Variants in NFIB observed in about 807,000 individuals in gnomAD.
NFIB encodes nuclear factor I B.
In NFIB, 11 loss-of-function variants were observed where a neutral mutation model predicts 61.5. The observed-to-expected ratio is 0.18, with a 90% CI of 0.11 to 0.30. The LOEUF (loss-of-function observed/expected upper bound fraction) is 0.30. Among genes scored for constraint, NFIB ranks in the 10% least tolerant of loss-of-function variants. NFIB has a pLI of 1.00. For synonymous variants in NFIB, 260 were observed against 216.5 expected, an observed-to-expected ratio of 1.20 and a Z score of -1.76; for missense variants, 471 against 608.9, an observed-to-expected ratio of 0.77 and a Z score of 2.38.
At chr9:14,268,608 G>A (rs2057386451) in intron 2 of NFIB, among the ~76,000 whole-genome samples, 1 of 152,108 alleles carries the variant, frequency 6.6e-6, no homozygotes, top group East Asian at 1.9e-4. Flanking sequence ...AACCTTCTTT[G>A]GATTCTTGTG....
At chr9:14,462,939 G>A in the NFIB span, among the ~76,000 whole-genome samples, 2 of 152,204 alleles carry the variant, frequency 1.3e-5, no homozygotes, top group African/African-American at 2.4e-5. Flanking sequence ...TTCAAAGGCT[G>A]ATTGTAGTGG....
the NFIB span, among the ~76,000 whole-genome samples, chr9:14,501,584 C>T: frequency 6.6e-6 from 1 of 152,290 alleles, no homozygotes; most frequent in Non-Finnish European, 1.5e-5. Context: ...ACAGGGTAAT[C>T]AATAGGATAT....
At position 14,247,164 on chromosome 9, in the gene NFIB, T is replaced by C. The variant is rs149706067; in HGVS notation, c.562+59825A>G. ...TCTACCATTTAAGCCACCCAGTCTA[T>C]GGTATTTTGTTATGACAACCCAAGC... On this transcript the variant is annotated intron_variant, in intron 2 of 10. Coordinates refer to ENST00000380953, the MANE Select transcript of NFIB (RefSeq NM_001190737.2). Among the ~76,000 whole-genome samples, 600 of 152,312 alleles carry C rather than the reference T, an allele frequency of 3.9e-3. 4 individuals are homozygous for C. Among genetic ancestry groups the C allele is most frequent in the African/African-American group, 0.013 (532 of 41,552 alleles).
chr9:14,485,849 TG>T, the NFIB span, among the ~76,000 whole-genome samples: 7 of 152,066 alleles, frequency 4.6e-5, no homozygotes, highest in South Asian at 1.5e-3. Context: ...CACTCCAGCC[TG>T]GGTGACAGAG....
chr9:14,485,958 T>C, the NFIB span, among the ~76,000 whole-genome samples: 64 of 152,068 alleles, frequency 4.2e-4, no homozygotes, highest in Admixed American at 3.3e-3. Flanking sequence ...ATGGGACATA[T>C]AGACAAATAA....
intron 2 of NFIB, among the ~76,000 whole-genome samples, chr9:14,192,947 A>G (rs1271442873): frequency 6.6e-6 from 1 of 152,046 alleles, no homozygotes; most frequent in African/African-American, 2.4e-5. Context: ...AGGTAATAGA[A>G]TTAAGCAGTA....
At chr9:14,384,976 G>C (rs1253313469) in intron 1 of NFIB, among the ~76,000 whole-genome samples, 2 of 152,272 alleles carry the variant, frequency 1.3e-5, no homozygotes, top group Non-Finnish European at 2.9e-5. Flanking sequence ...TTCACATCTT[G>C]ATTTTCAGGT....
chr9:14,467,965 T>C, the NFIB span, among the ~76,000 whole-genome samples: 8 of 152,244 alleles, frequency 5.3e-5, no homozygotes, highest in Non-Finnish European at 1.0e-4. Flanking sequence ...GTGTGTTCTT[T>C]TCAAATATGA....
chr9:14,441,081 A>T, the NFIB span, among the ~76,000 whole-genome samples: 38 of 151,536 alleles, frequency 2.5e-4, no homozygotes, highest in East Asian at 3.3e-3. Flanking sequence ...GGATAAAAAA[A>T]CCTGGACCCT....
chr9:14,507,008 G>T, the NFIB span, among the ~76,000 whole-genome samples: 1 of 152,142 alleles, frequency 6.6e-6, no homozygotes, highest in African/African-American at 2.4e-5. Context: ...ACACCATAAA[G>T]ATTTAAATGT....
the NFIB span, among the ~76,000 whole-genome samples, chr9:14,480,360 A>C: frequency 1.3e-5 from 2 of 152,156 alleles, no homozygotes; most frequent in African/African-American, 4.8e-5. Flanking sequence ...AAGCAAGCAT[A>C]AGATTTGCCA....
chr9:14,376,756 G>A (rs1393969392), intron 1 of NFIB, among the ~76,000 whole-genome samples: 2 of 151,986 alleles, frequency 1.3e-5, no homozygotes. Flanking sequence ...GACCTCAGGT[G>A]ATCCGCTCAC....
chr9:14,313,854 T>C lies in NFIB; in HGVS notation c.-343A>G, dbSNP rs895705017. The C allele has an allele frequency of 1.6e-6, 2 of 1,214,444 alleles. No individual in the cohort carries two copies. Among genetic ancestry groups the C allele is most frequent in the African/African-American group, 1.6e-5 (1 of 64,266 alleles). 75.2% of individuals were successfully genotyped at this position (1,214,444 alleles called of 1,614,324 possible). A position where few individuals can be genotyped will look rare whatever the true frequency, so the allele number is the denominator to read the frequency against. Reference sequence around the variant, plus strand: ...GGATTTGTTTTCTATTTTGCAGTTGTTGTTGTTGTTGGGGTGTAGGGGGTG... The same window carrying C: ...GGATTTGTTTTCTATTTTGCAGTTGCTGTTGTTGTTGGGGTGTAGGGGGTG... On this transcript the variant is annotated 5_prime_UTR_variant, in exon 1 of 11. Transcript: ENST00000380953. The surrounding 1 kb of genome is among the most constrained non-coding windows in gnomAD (Gnocchi z 4.5).
At chr9:14,352,537 G>A (rs540022339) in intron 1 of NFIB, among the ~76,000 whole-genome samples, 2 of 152,310 alleles carry the variant, frequency 1.3e-5, no homozygotes, top group South Asian at 2.1e-4. Context: ...GGCTCCCTCA[G>A]TGTATGTAAT....
chr9:14,114,173 C>CT (rs1281935733), intron 9 of NFIB, among the ~76,000 whole-genome samples: 1 of 152,092 alleles, frequency 6.6e-6, no homozygotes, highest in Non-Finnish European at 1.5e-5. Flanking sequence ...TCCATGGAAG[C>CT]TTTTTTAGGT....
rs181878271 is a variant in NFIB at position 14,251,808 on chromosome 9, T to C, written c.562+55181A>G. On this transcript the variant is annotated intron_variant, in intron 2 of 10. Coordinates refer to ENST00000380953, the MANE Select transcript of NFIB (RefSeq NM_001190737.2). ...ACAGGCGTGCTGCACATGGCACACT[T>C]AGAGAACAAAACAAACAGGTCCAAC... 8.4e-4 allele frequency among the ~76,000 whole-genome samples: 128 copies of C among 152,292 alleles called. 1 individual carries two copies. Among genetic ancestry groups the C allele is most frequent in the Middle Eastern group, 3.4e-3 (1 of 294 alleles).
chr9:14,299,816 T>G (rs189048391), intron 2 of NFIB, among the ~76,000 whole-genome samples: 1 of 152,354 alleles, frequency 6.6e-6, no homozygotes, highest in African/African-American at 2.4e-5. Context: ...TAGTTATGCA[T>G]GTAATCATCT....
chr9:14,223,825 C>A (rs900201195), intron 2 of NFIB, among the ~76,000 whole-genome samples: 3 of 152,114 alleles, frequency 2.0e-5, no homozygotes, highest in Non-Finnish European at 4.4e-5. Context: ...TAGAGAAGTA[C>A]AATACTAGGA....
At chr9:14,360,580 T>A (rs925691948) in intron 1 of NFIB, among the ~76,000 whole-genome samples, 4 of 151,334 alleles carry the variant, frequency 2.6e-5, no homozygotes, top group Admixed American at 6.6e-5. Context: ...AGTCTCACTC[T>A]GTCGCCCAGG....
Sources: allele counts gnomAD v4.1 joint callset (sites outside exome capture counted in the v4.1 genomes callset), GRCh38; gene constraint gnomAD v4.1.1; non-coding constraint Gnocchi (gnomAD v3.1); transcripts MANE v1.5; gene names NCBI Gene and HGNC (gene_info 2026-07-23, HGNC 2026-07-21).